Variants in TMED7 observed in about 807,000 individuals in gnomAD.
The protein encoded by TMED7 is transmembrane emp24 domain-containing protein 7.
Under a neutral mutation model 23.4 loss-of-function variants are expected in TMED7, and 8 were observed. That is an observed-to-expected ratio of 0.34 (90% confidence interval 0.20 to 0.62). The LOEUF is 0.62. Ranked by LOEUF, TMED7 falls within the 20% of genes least tolerant of loss-of-function variation. The pLI, the probability that TMED7 is intolerant of heterozygous loss-of-function variation, is 0.77. For missense variants in TMED7, 232 were observed against 279.1 expected, an observed-to-expected ratio of 0.83 and a Z score of 1.20; for synonymous variants, 121 against 108.5, an observed-to-expected ratio of 1.12 and a Z score of -0.72.
chr5:115,624,025 C>T (rs1205755074), intron 1 of TMED7, among the ~76,000 whole-genome samples: 1 of 152,174 alleles, frequency 6.6e-6, no homozygotes, highest in Non-Finnish European at 1.5e-5. Context: ...ATAACAATTT[C>T]ATATCGGGCT....
At chr5:115,618,832 C>A (rs1037179291) in intron 2 of TMED7, among the ~76,000 whole-genome samples, 2 of 152,150 alleles carry the variant, frequency 1.3e-5, no homozygotes, top group African/African-American at 4.8e-5. Flanking sequence ...ATTGCCTACT[C>A]TAAATCCATC....
chr5:115,618,480 T>C (rs932886308), intron 2 of TMED7, among the ~76,000 whole-genome samples: 3 of 152,220 alleles, frequency 2.0e-5, no homozygotes, highest in Non-Finnish European at 4.4e-5. Context: ...CATTAATCTT[T>C]AGGCTTTCTT....
intron 2 of TMED7, among the ~76,000 whole-genome samples, chr5:115,619,869 TTC>T (rs1756960748): frequency 6.6e-6 from 1 of 152,138 alleles, no homozygotes; most frequent in Non-Finnish European, 1.5e-5. Context: ...TTTTTACGCT[TTC>T]TCTATGTCTC....
chr5:115,614,966 T>C lies in TMED7; in HGVS notation c.*1243A>G, dbSNP rs1037464772. On this transcript the variant is annotated 3_prime_UTR_variant, in exon 3 of 3. Coordinates refer to ENST00000456936, the MANE Select transcript of TMED7 (RefSeq NM_181836.6). ...AGCAGAAAAGCTTTAAATATCTATA[T>C]AATTTTGAATCATCTTGTATTCTAT... 1.3e-5 allele frequency: 2 copies of C among 151,882 alleles called. No individual in the cohort carries two copies. The highest frequency in any genetic ancestry group is 2.9e-5 in the Non-Finnish European group (2 of 67,928). The allele number at this position is 151,882 out of a possible 1,614,324, so 9.4% of individuals were successfully genotyped here.
chr5:115,624,177 CA>C (rs959806583), intron 1 of TMED7, among the ~76,000 whole-genome samples: 1 of 152,164 alleles, frequency 6.6e-6, no homozygotes, highest in Non-Finnish European at 1.5e-5. Flanking sequence ...TAAATTCAAA[CA>C]AAGAAAATGT....
intron 2 of TMED7, among the ~76,000 whole-genome samples, chr5:115,617,790 C>A (rs973928194): frequency 3.3e-5 from 5 of 152,178 alleles, no homozygotes; most frequent in Non-Finnish European, 7.3e-5. Context: ...CATTCTACAA[C>A]TTTTGAGATG....
At position 115,616,121 on chromosome 5, in the gene TMED7, T is replaced by G; in HGVS notation, c.*88A>C. 1 of 1,251,528 alleles carries G rather than the reference T, an allele frequency of 8.0e-7. No homozygotes were observed. Among genetic ancestry groups the G allele is most frequent in the Non-Finnish European group, 1.2e-6 (1 of 868,866 alleles). The allele number at this position is 1,251,528 out of a possible 1,614,324, so 77.5% of individuals were successfully genotyped here. A position where few individuals can be genotyped will look rare whatever the true frequency, so the allele number is the denominator to read the frequency against. ...GTGTATGAGTAAGGATTTAAAAATG[T>G]TGCCAATATTAAGTTCTTCAGTACC... On this transcript the variant is annotated 3_prime_UTR_variant, in exon 3 of 3. Transcript: ENST00000456936.
At chr5:115,619,513 C>A (rs1054761064) in intron 2 of TMED7, among the ~76,000 whole-genome samples, 2 of 152,062 alleles carry the variant, frequency 1.3e-5, no homozygotes, top group Admixed American at 1.3e-4. Context: ...GGTTGAGTAT[C>A]CCTTATCCAA....
rs758927108 is a variant in TMED7 at position 115,625,643 on chromosome 5, G to A, written c.150C>T (p.Tyr50=). Residue 50 remains tyrosine (Y), a synonymous_variant, in exon 1 of 3, where the codon TAC becomes TAT. Transcript: ENST00000456936. ...ELPDNAKQCF[Y]EDIAQGTKCT... ...ACTTGGTGCCCTGAGCGATGTCCTC[G>A]TAGAAGCACTGCTTGGCGTTGTCAG... is the stretch of plus-strand genomic sequence containing the variant. 1 of 1,601,240 alleles carries A rather than the reference G, an allele frequency of 6.2e-7. No individual in the cohort carries two copies. Among genetic ancestry groups the A allele is most frequent in the Non-Finnish European group, 8.5e-7 (1 of 1,174,472 alleles).
At chr5:115,616,720 A>C (rs1756771815) in intron 2 of TMED7, among the ~76,000 whole-genome samples, 1 of 152,244 alleles carries the variant, frequency 6.6e-6, no homozygotes, top group Non-Finnish European at 1.5e-5. Context: ...CAGATGGAAC[A>C]CTAAGCTAAC....
intron 2 of TMED7, 79 bp downstream of exon 2, chr5:115,620,356 A>G: frequency 7.4e-7 from 1 of 1,349,654 alleles, no homozygotes; most frequent in Non-Finnish European, 9.6e-7. Flanking sequence ...CATGCTCATC[A>G]GTTAGTGCAT....
At chr5:115,623,019 T>C (rs1005831093) in intron 1 of TMED7, among the ~76,000 whole-genome samples, 2 of 152,190 alleles carry the variant, frequency 1.3e-5, no homozygotes, top group African/African-American at 4.8e-5. Flanking sequence ...ACTATATATG[T>C]CTATGTAAGC....
Position 115,620,565 on chromosome 5 carries a change from T to G in TMED7, c.308A>C (p.Asn103Thr). The G allele has an allele frequency of 6.2e-7, 1 of 1,607,288 alleles. No homozygotes were observed. The highest frequency in any genetic ancestry group is 8.5e-7 in the Non-Finnish European group (1 of 1,177,514). ...YDSFTFTASK[N>T]GTYKFCFSNE... ...GCTGAAGCAAAATTTGTATGTCCCA[T>G]TTTTGGAGGCTGTGAAGGTAAAACT... The change falls in exon 2 of 3, where the codon AAT (asparagine) becomes ACT (threonine). Residue 103 changes from asparagine to threonine, a missense_variant. By Grantham distance (65) the Asn-to-Thr change is moderately conservative (BLOSUM62 0). Coordinates refer to ENST00000456936, the MANE Select transcript of TMED7 (RefSeq NM_181836.6).
chr5:115,618,726 A>C (rs753376185), intron 2 of TMED7, among the ~76,000 whole-genome samples: 3 of 152,162 alleles, frequency 2.0e-5, no homozygotes, highest in Non-Finnish European at 4.4e-5. Flanking sequence ...ATGTCTAGTT[A>C]TCTCTCCATT....
intron 1 of TMED7, among the ~76,000 whole-genome samples, chr5:115,623,608 T>A (rs1472854878): frequency 2.0e-5 from 3 of 152,324 alleles, no homozygotes; most frequent in Non-Finnish European, 4.4e-5. Flanking sequence ...CATGCACAAA[T>A]GTTAGCAATA....
chr5:115,620,374 A>T, intron 2 of TMED7, 61 bp downstream of exon 2: 1 of 1,438,634 alleles, frequency 7.0e-7, no homozygotes, highest in Non-Finnish European at 9.1e-7. Context: ...CATGATATTA[A>T]ATTATGCTTT....
chr5:115,622,154 A>G (rs1757897998), intron 1 of TMED7, among the ~76,000 whole-genome samples: 1 of 152,202 alleles, frequency 6.6e-6, no homozygotes, highest in Non-Finnish European at 1.5e-5. Context: ...AATTATACGT[A>G]TTTGACCATT....
chr5:115,624,124 T>A (rs551120271), intron 1 of TMED7, among the ~76,000 whole-genome samples: 2 of 152,362 alleles, frequency 1.3e-5, no homozygotes, highest in South Asian at 4.1e-4. Context: ...TCCTTAGCAC[T>A]AATCACTGAG....
At chr5:115,620,344 T>C (rs576339312) in intron 2 of TMED7, 91 bp downstream of exon 2, 1 of 1,334,194 alleles carries the variant, frequency 7.5e-7, no homozygotes, top group Admixed American at 3.1e-5. Context: ...GTCTCAAAAT[T>C]CCATGCTCAT....
Sources: gnomAD v4.1 joint callset for allele counts (sites outside exome capture counted in the v4.1 genomes callset) on GRCh38, gnomAD v4.1.1 for gene constraint, MANE v1.5 for transcripts, NCBI Gene and HGNC (gene_info 2026-07-23, HGNC 2026-07-21) for gene names.